Variants in SYNJ1 observed in about 807,000 individuals in gnomAD.
The protein encoded by SYNJ1 is synaptojanin 1.
A neutral mutation model predicts 168.2 loss-of-function variants in SYNJ1; 78 were observed. That is an observed-to-expected ratio of 0.46 (90% CI 0.39 to 0.56). SYNJ1 has a LOEUF of 0.56. Ranked by LOEUF, SYNJ1 falls within the 20% of genes least tolerant of loss-of-function variation. SYNJ1 has a pLI of 0.00. For missense variants in SYNJ1, 1,303 were observed against 1,597.6 expected, an observed-to-expected ratio of 0.82 and a Z score of 3.14; for synonymous variants, 539 against 548.6, an observed-to-expected ratio of 0.98 and a Z score of 0.24.
Position 32,657,887 on chromosome 21 carries a change from T to C in SYNJ1, c.2305-15A>G, listed in dbSNP as rs183483403. 6.2e-6 allele frequency: 10 copies of C among 1,601,270 alleles called. No individual in the cohort carries two copies. The East Asian group carries it at 2.0e-4, about 32-fold the overall frequency. On this transcript the variant is annotated splice_polypyrimidine_tract_variant and intron_variant, in intron 18 of 32. Coordinates refer to ENST00000674351, the MANE Select transcript of SYNJ1 (RefSeq NM_203446.3). Reference sequence around the variant, plus strand: ...CCTCTAAAAACCTAAAATAAACATATACAAAGTAAGTTATTCCCAAACAGC... The same window carrying C: ...CCTCTAAAAACCTAAAATAAACATACACAAAGTAAGTTATTCCCAAACAGC...
chr21:32,715,088 C>T (rs528032354), intron 2 of SYNJ1, among the ~76,000 whole-genome samples: 1 of 152,220 alleles, frequency 6.6e-6, no homozygotes, highest in Non-Finnish European at 1.5e-5. Context: ...AGATATATTC[C>T]CAATGCTAAC....
intron 22 of SYNJ1, among the ~76,000 whole-genome samples, chr21:32,652,175 C>G (rs185322178): frequency 6.6e-6 from 1 of 152,068 alleles, no homozygotes; most frequent in East Asian, 1.9e-4. Flanking sequence ...TCTACAAAAC[C>G]TATTTCAAAA....
At chr21:32,717,806 G>A (rs1209122218) in intron 2 of SYNJ1, among the ~76,000 whole-genome samples, 1 of 152,172 alleles carries the variant, frequency 6.6e-6, no homozygotes, top group Non-Finnish European at 1.5e-5. Flanking sequence ...TTGTGCAACT[G>A]TCTCATCTCT....
In SYNJ1 at chr21:32,726,757, T is replaced by C; in HGVS notation, c.124+15A>G. 6.2e-7 allele frequency: 1 copy of C among 1,613,760 alleles called. No individual in the cohort carries two copies. The highest frequency in any genetic ancestry group is 8.5e-7 in the Non-Finnish European group (1 of 1,179,846). On this transcript the variant is annotated intron_variant, in intron 2 of 32. Transcript: ENST00000674351. ...ACAGAGACCATGACAAATTGGGCTCTAACAGATGACTTACAGAGCACAGCG... is the reference window on the plus strand; with the variant it reads ...ACAGAGACCATGACAAATTGGGCTCCAACAGATGACTTACAGAGCACAGCG...
intron 23 of SYNJ1, among the ~76,000 whole-genome samples, chr21:32,649,455 T>G (rs1217326662): frequency 6.6e-6 from 1 of 152,348 alleles, no homozygotes; most frequent in Non-Finnish European, 1.5e-5. Context: ...TTTAAAAATT[T>G]TTTCTTTTGA....
At chr21:32,713,347 T>A (rs1278657974) in intron 2 of SYNJ1, among the ~76,000 whole-genome samples, 2 of 146,368 alleles carry the variant, frequency 1.4e-5, no homozygotes, top group South Asian at 4.6e-4. Flanking sequence ...ATTTCCCATA[T>A]GTCAACATGG....
intron 26 of SYNJ1, among the ~76,000 whole-genome samples, chr21:32,644,663 C>CT (rs2039987645): frequency 6.6e-6 from 1 of 152,084 alleles, no homozygotes; most frequent in South Asian, 2.1e-4. Flanking sequence ...ATAAATGTAT[C>CT]ACTAATCAGA....
At position 32,629,855 on chromosome 21, in the gene SYNJ1, T is replaced by C. The variant is rs367580525; in HGVS notation, c.*1950A>G. 1 of 152,618 alleles carries C rather than the reference T, an allele frequency of 6.6e-6. No individual in the cohort carries two copies. The highest frequency in any genetic ancestry group is 2.1e-4 in the South Asian group (1 of 4,830). The allele number at this position is 152,618 out of a possible 1,614,324, so 9.5% of individuals were successfully genotyped here. Reference sequence around the variant, plus strand: ...CAGGAGACAAAATCCGCAGCTACTTTGAGGTATAGCCTCTAAAAACTTAAA... The same window carrying C: ...CAGGAGACAAAATCCGCAGCTACTTCGAGGTATAGCCTCTAAAAACTTAAA... On this transcript the variant is annotated 3_prime_UTR_variant, in exon 33 of 33. Coordinates refer to ENST00000674351, the MANE Select transcript of SYNJ1 (RefSeq NM_203446.3).
chr21:32,726,852 G>C lies in SYNJ1; in HGVS notation c.44C>G (p.Pro15Arg). The C allele has an allele frequency of 6.2e-7, 1 of 1,614,088 alleles. No individual in the cohort carries two copies. Among genetic ancestry groups the C allele is most frequent in the Non-Finnish European group, 8.5e-7 (1 of 1,180,016 alleles). Residue 15 changes from proline to arginine, a missense_variant, in exon 2 of 33, where the codon CCC (proline) becomes CGC (arginine). Pro to Arg is a moderately radical substitution (Grantham distance 103). Transcript: ENST00000674351. ...KGFRIYHKLDPPPFSLIVETR... is the reference protein window; with the variant it reads ...KGFRIYHKLDRPPFSLIVETR... Reference sequence around the variant, plus strand: ...TTCCACTATGAGGCTGAAAGGTGGGGGATCCAATTTGTGATAGATCCGGAA... The same window carrying C: ...TTCCACTATGAGGCTGAAAGGTGGGCGATCCAATTTGTGATAGATCCGGAA...
intron 18 of SYNJ1, among the ~76,000 whole-genome samples, chr21:32,662,875 C>T (rs1488391022): frequency 6.6e-6 from 1 of 152,114 alleles, no homozygotes; most frequent in Non-Finnish European, 1.5e-5. Context: ...AACCAATCCC[C>T]TTGATCCTCG....
rs776803219 is a variant in SYNJ1 at position 32,694,221 on chromosome 21, C to G, written c.789+7G>C. The G allele has an allele frequency of 6.5e-7, 1 of 1,527,188 alleles. No individual in the cohort carries two copies. The highest frequency in any genetic ancestry group is 8.7e-7 in the Non-Finnish European group (1 of 1,145,856). 94.6% of individuals were successfully genotyped at this position (1,527,188 alleles called of 1,614,324 possible). ...AAAACAAAAATAACTGAATGTCAAA[C>G]ACATACTTGCAACCCTGGTTGCTCC... is the stretch of plus-strand genomic sequence containing the variant. On this transcript the variant is annotated splice_region_variant and intron_variant, in intron 6 of 32. Coordinates refer to ENST00000674351, the MANE Select transcript of SYNJ1 (RefSeq NM_203446.3).
chr21:32,699,696 C>T (rs1013049243), intron 4 of SYNJ1, 142 bp downstream of exon 4: 14 of 965,604 alleles, frequency 1.4e-5, no homozygotes, highest in Admixed American at 5.8e-5. Flanking sequence ...TTCTCTGTAG[C>T]TACTTGCTGC....
chr21:32,629,303 C>T lies in SYNJ1; in HGVS notation c.*2502G>A, dbSNP rs916371609. The T allele has an allele frequency of 6.6e-6, 1 of 152,592 alleles. No homozygotes were observed. Among genetic ancestry groups the T allele is most frequent in the Non-Finnish European group, 1.5e-5 (1 of 68,036 alleles). 9.5% of individuals were successfully genotyped at this position (152,592 alleles called of 1,614,324 possible). On this transcript the variant is annotated 3_prime_UTR_variant, in exon 33 of 33. Coordinates refer to ENST00000674351, the MANE Select transcript of SYNJ1 (RefSeq NM_203446.3). ...GTTAATTCACATTTTGAAGCAACTG[C>T]TTATAGTAATACTGCTGTTTAAGAC...
At chr21:32,713,032 CAACAA>C (rs1156370047) in intron 2 of SYNJ1, among the ~76,000 whole-genome samples, 1 of 152,188 alleles carries the variant, frequency 6.6e-6, no homozygotes, top group East Asian at 1.9e-4. Flanking sequence ...AAGCAAATGT[CAACAA>C]AACAGCTAAA....
chr21:32,672,813 AC>A (rs1386098188), intron 14 of SYNJ1, among the ~76,000 whole-genome samples: 1 of 152,148 alleles, frequency 6.6e-6, no homozygotes, highest in African/African-American at 2.4e-5. Flanking sequence ...GCTGCTCAAG[AC>A]CCACTCTGAC....
chr21:32,714,107 C>CTTA (rs1319127458), intron 2 of SYNJ1, among the ~76,000 whole-genome samples: 3 of 151,990 alleles, frequency 2.0e-5, no homozygotes, highest in Non-Finnish European at 2.9e-5. Flanking sequence ...ATTTAAAAAG[C>CTTA]TTATTATTTT....
intron 31 of SYNJ1, among the ~76,000 whole-genome samples, chr21:32,635,750 C>A (rs2145690581): frequency 6.6e-6 from 1 of 152,216 alleles, no homozygotes; most frequent in East Asian, 1.9e-4. Flanking sequence ...CTCAAATTTT[C>A]TGAAGGATGA....
At chr21:32,657,640 A>T in intron 19 of SYNJ1, 76 bp downstream of exon 19, 1 of 1,357,952 alleles carries the variant, frequency 7.4e-7, no homozygotes, top group Non-Finnish European at 9.8e-7. Flanking sequence ...TATTCTCCTC[A>T]TTTGATATTA....
chr21:32,642,471 C>G (rs2039884862), intron 27 of SYNJ1, among the ~76,000 whole-genome samples: 1 of 152,190 alleles, frequency 6.6e-6, no homozygotes, highest in South Asian at 2.1e-4. Context: ...TGTGAATGGT[C>G]ACAAGATGCG....
Sources: allele counts gnomAD v4.1 joint callset (sites outside exome capture counted in the v4.1 genomes callset), GRCh38; gene constraint gnomAD v4.1.1; transcripts MANE v1.5; gene names NCBI Gene and HGNC (gene_info 2026-07-23, HGNC 2026-07-21).